The following ZNF600 variants were observed in gnomAD, a reference collection of about 807,000 sequenced individuals.
ZNF600 encodes the protein zinc finger protein 600, also known as zinc finger protein KR-ZNF1.
In ZNF600, 4 loss-of-function variants were observed where a neutral mutation model predicts 7.3. The ratio of observed to expected loss-of-function variants is 0.55; its 90% CI spans 0.27 to 1.25. ZNF600 has a LOEUF of 1.25. Ranked by LOEUF, ZNF600 falls within the 50% of genes most tolerant of loss-of-function variation. The pLI is 0.12. For synonymous variants in ZNF600, 290 were observed against 308.9 expected (o/e 0.94, Z 0.64); for missense variants, 911 against 922.1 (o/e 0.99, Z 0.16).
chr19:52,810,351 G>A, the ZNF600 span: 1 of 1,604,580 alleles, frequency 6.2e-7, no homozygotes, highest in Non-Finnish European at 8.5e-7. Flanking sequence ...AACAGCAGAA[G>A]AGCTGGAAGC....
chr19:52,789,272 C>G (rs1193833892), upstream of ZNF600, among the ~76,000 whole-genome samples: 1 of 152,138 alleles, frequency 6.6e-6, no homozygotes, highest in Non-Finnish European at 1.5e-5. Context: ...AGAAAAGAAG[C>G]CTGCATGGTT....
At chr19:52,826,681 G>A in the ZNF600 span, among the ~76,000 whole-genome samples, 1 of 152,144 alleles carries the variant, frequency 6.6e-6, no homozygotes, top group Admixed American at 6.6e-5. Context: ...ACTCCAGCCT[G>A]GGTGACAGAA....
the ZNF600 span, among the ~76,000 whole-genome samples, chr19:52,795,295 T>C: frequency 6.6e-6 from 1 of 152,294 alleles, no homozygotes; most frequent in South Asian, 2.1e-4. Context: ...TTCCTTGATA[T>C]CTTTATCAAG....
chr19:52,780,701 C>T (rs2062713604), intron 1 of ZNF600: 1 of 152,150 alleles, frequency 6.6e-6, no homozygotes, highest in Admixed American at 6.6e-5. Context: ...GCACTCCAGC[C>T]TCAGCCACAA....
At chr19:52,810,360 G>T in the ZNF600 span, 8,046 of 1,604,110 alleles carry the variant, frequency 5.0e-3, 27 homozygotes, top group Middle Eastern at 0.014. Flanking sequence ...AGAGCTGGAA[G>T]CTCACTTTCA....
Position 52,782,787 on chromosome 19 carries a change from A to G in ZNF600, c.-20+3808T>C, listed in dbSNP as rs994362646. ...GCTGCTCGGGAGGCTGAGACAGAGC[A>G]CTGCTTGAACCCGAGAGCCGGAGGT... On this transcript the variant is annotated intron_variant, in intron 1 of 3. Transcript: ENST00000648973. Among the ~76,000 whole-genome samples, 11 of 152,210 alleles carry G rather than the reference A, an allele frequency of 7.2e-5. No individual in the cohort carries two copies. In the East Asian group the frequency reaches 2.1e-3, roughly 29 times the overall value.
intron 1 of ZNF600, among the ~76,000 whole-genome samples, chr19:52,779,293 T>C (rs2062701759): frequency 1.3e-5 from 2 of 152,180 alleles, no homozygotes; most frequent in South Asian, 2.1e-4. Flanking sequence ...TGCACACAGA[T>C]GACAAGCACC....
At chr19:52,773,371 A>G (rs2062646684) in intron 3 of ZNF600, among the ~76,000 whole-genome samples, 1 of 152,204 alleles carries the variant, frequency 6.6e-6, no homozygotes, top group Non-Finnish European at 1.5e-5. Flanking sequence ...TGGTGGCCTG[A>G]GGTGAAAGCA....
At chr19:52,810,190 C>T in the ZNF600 span, 1 of 1,025,462 alleles carries the variant, frequency 9.8e-7, no homozygotes. Flanking sequence ...GAGGAAGAAG[C>T]TGAGAAGCTA....
the ZNF600 span, among the ~76,000 whole-genome samples, chr19:52,823,987 C>T: frequency 3.2e-4 from 49 of 151,970 alleles, no homozygotes; most frequent in African/African-American, 1.1e-3. Context: ...CGCTTGAGCC[C>T]AGGAGACACG....
At chr19:52,774,228 G>C (rs2062653750) in intron 3 of ZNF600, among the ~76,000 whole-genome samples, 1 of 151,846 alleles carries the variant, frequency 6.6e-6, no homozygotes, top group Non-Finnish European at 1.5e-5. Flanking sequence ...TGAGGAGTGA[G>C]AGACGAGTCT....
At chr19:52,785,564 G>C (rs192530811) in intron 1 of ZNF600, among the ~76,000 whole-genome samples, 32 of 152,138 alleles carry the variant, frequency 2.1e-4, no homozygotes, top group Non-Finnish European at 3.8e-4. Context: ...TTAACCTCTT[G>C]TTGTTCTTTC....
At chr19:52,815,202 G>A in the ZNF600 span, among the ~76,000 whole-genome samples, 176 of 143,752 alleles carry the variant, frequency 1.2e-3, 22 homozygotes, top group African/African-American at 4.6e-3. Context: ...GGCAGTGGGA[G>A]GAAGGAGAGG....
At chr19:52,817,784 T>C in the ZNF600 span, among the ~76,000 whole-genome samples, 3 of 151,996 alleles carry the variant, frequency 2.0e-5, no homozygotes, top group Non-Finnish European at 4.4e-5. Context: ...TCACCAGAGA[T>C]GGAATCTAAG....
the ZNF600 span, among the ~76,000 whole-genome samples, chr19:52,813,134 G>T: frequency 6.7e-6 from 1 of 149,656 alleles, no homozygotes; most frequent in Admixed American, 6.8e-5. Context: ...ACTTTTGCAT[G>T]TATTTAAAAT....
chr19:52,799,065 T>C, the ZNF600 span: 4 of 479,758 alleles, frequency 8.3e-6, no homozygotes, highest in Non-Finnish European at 1.2e-5. Flanking sequence ...AAGCTGTGAT[T>C]TGTGACTGAC....
chr19:52,789,942 G>T (rs1190369229), upstream of ZNF600, among the ~76,000 whole-genome samples: 1 of 152,074 alleles, frequency 6.6e-6, no homozygotes, highest in Non-Finnish European at 1.5e-5. Flanking sequence ...ACAGTCAAAG[G>T]GGGTTTGTTC....
the ZNF600 span, among the ~76,000 whole-genome samples, chr19:52,833,476 C>T: frequency 6.6e-6 from 1 of 152,256 alleles, no homozygotes; most frequent in South Asian, 2.1e-4. Flanking sequence ...TCAGAAATGA[C>T]TGGCTACTAA....
upstream of ZNF600, among the ~76,000 whole-genome samples, chr19:52,789,125 T>C (rs1486383665): frequency 3.9e-5 from 6 of 152,136 alleles, no homozygotes; most frequent in Non-Finnish European, 7.3e-5. Context: ...AAAGTTTTCA[T>C]AGAAAAAGTG....
Sources: gnomAD v4.1 joint callset for allele counts (sites outside exome capture counted in the v4.1 genomes callset) on GRCh38, gnomAD v4.1.1 for gene constraint, MANE v1.5 for transcripts, NCBI Gene and HGNC (gene_info 2026-07-23, HGNC 2026-07-21) for gene names.